The following ATP10B variants were observed in gnomAD, a reference collection of about 807,000 sequenced individuals.
ATP10B encodes ATPase phospholipid transporting 10B (putative), also known as phospholipid-transporting ATPase VB.
In ATP10B, 122 loss-of-function variants were observed where a neutral mutation model predicts 141.2. The observed-to-expected ratio is 0.86, with a 90% CI of 0.75 to 1.00. The LOEUF (loss-of-function observed/expected upper bound fraction) is 1.00. Ranked by LOEUF, ATP10B falls within the 50% of genes least tolerant of loss-of-function variation. The pLI, the probability that ATP10B is intolerant of heterozygous loss-of-function variation, is 0.00. For synonymous variants in ATP10B, 685 were observed against 692.0 expected (o/e 0.99, Z 0.16); for missense variants, 1,876 against 1,825.3 (o/e 1.03, Z -0.51).
chr5:160,643,483 A>C (rs1200879084), intron 9 of ATP10B, among the ~76,000 whole-genome samples: 1 of 152,182 alleles, frequency 6.6e-6, no homozygotes, highest in Non-Finnish European at 1.5e-5. Flanking sequence ...AGTACTAGAG[A>C]TACAGCAGCT....
At chr5:160,597,375 A>C (rs1271721361) in intron 22 of ATP10B, among the ~76,000 whole-genome samples, 1 of 152,144 alleles carries the variant, frequency 6.6e-6, no homozygotes, top group Non-Finnish European at 1.5e-5. Context: ...CCTTCCTTAC[A>C]CCTTATACAA....
chr5:160,819,982 G>A (rs943766726), intron 1 of ATP10B, among the ~76,000 whole-genome samples: 7 of 151,552 alleles, frequency 4.6e-5, no homozygotes, highest in African/African-American at 1.5e-4. Flanking sequence ...ACAAAAGCAG[G>A]AGCAAACCAA....
At chr5:160,878,033 T>C in the ATP10B span, among the ~76,000 whole-genome samples, 1 of 152,006 alleles carries the variant, frequency 6.6e-6, no homozygotes, top group Non-Finnish European at 1.5e-5. Flanking sequence ...AGAAAACTAC[T>C]TTAAAGTTCA....
chr5:160,700,321 G>T (rs1764600835), intron 3 of ATP10B, among the ~76,000 whole-genome samples: 5 of 152,124 alleles, frequency 3.3e-5, no homozygotes, highest in Admixed American at 2.6e-4. Context: ...ATTCTCCCTG[G>T]GCCCTAGTTT....
At chr5:160,730,106 G>A (rs114329411) in intron 2 of ATP10B, among the ~76,000 whole-genome samples, 275 of 152,182 alleles carry the variant, frequency 1.8e-3, no homozygotes, top group African/African-American at 6.3e-3. Flanking sequence ...ACAGATTTAA[G>A]CTAGCTGTTA....
At chr5:160,840,198 A>G (rs1017115952) in intron 1 of ATP10B, among the ~76,000 whole-genome samples, 1 of 152,038 alleles carries the variant, frequency 6.6e-6, no homozygotes, top group Admixed American at 6.6e-5. Flanking sequence ...TTATAGATTC[A>G]CCCAAGAAAA....
chr5:160,694,373 T>C (rs1178664066), intron 3 of ATP10B, among the ~76,000 whole-genome samples: 2 of 152,188 alleles, frequency 1.3e-5, no homozygotes, highest in African/African-American at 2.4e-5. Flanking sequence ...CACCTCCCAC[T>C]AAAAATAACT....
At chr5:160,586,071 A>T (rs1008172136) in intron 24 of ATP10B, among the ~76,000 whole-genome samples, 1 of 152,082 alleles carries the variant, frequency 6.6e-6, no homozygotes, top group Admixed American at 6.5e-5. Context: ...TCAACCTGTC[A>T]TCTAGGTTTT....
At chr5:160,569,399 C>T in intron 25 of ATP10B, 97 bp downstream of exon 25, 1 of 1,197,850 alleles carries the variant, frequency 8.3e-7, no homozygotes, top group Non-Finnish European at 1.2e-6. Flanking sequence ...TCAAGGATGC[C>T]AGCAGAAGTC....
intron 6 of ATP10B, 121 bp downstream of exon 6, chr5:160,685,958 G>A: frequency 5.9e-6 from 5 of 845,610 alleles, no homozygotes; most frequent in Non-Finnish European, 8.5e-6. Flanking sequence ...CCCCCCTTGA[G>A]AATCAGTGAA....
At chr5:160,906,730 C>T in the ATP10B span, among the ~76,000 whole-genome samples, 456 of 152,318 alleles carry the variant, frequency 3.0e-3, 4 homozygotes, top group African/African-American at 0.01. Flanking sequence ...AGAGATCTGT[C>T]GGTACCCAGT....
chr5:160,891,898 T>C, the ATP10B span, among the ~76,000 whole-genome samples: 1 of 152,218 alleles, frequency 6.6e-6, no homozygotes, highest in African/African-American at 2.4e-5. Flanking sequence ...CCCATCTATA[T>C]GAGTGTAGGA....
chr5:160,629,974 T>C (rs1317741155), intron 13 of ATP10B, among the ~76,000 whole-genome samples: 1 of 152,240 alleles, frequency 6.6e-6, no homozygotes, highest in East Asian at 1.9e-4. Context: ...AGGTTTAACA[T>C]GTTGCTTAAG....
At chr5:160,624,451 T>C (rs1758508615) in intron 13 of ATP10B, among the ~76,000 whole-genome samples, 1 of 152,092 alleles carries the variant, frequency 6.6e-6, no homozygotes, top group African/African-American at 2.4e-5. Flanking sequence ...GAAGACAACT[T>C]CCAGAAAAAA....
chr5:160,727,277 A>G (rs1766429466), intron 2 of ATP10B, among the ~76,000 whole-genome samples: 1 of 152,238 alleles, frequency 6.6e-6, no homozygotes, highest in Admixed American at 6.5e-5. Context: ...CACCTCTATC[A>G]TCATTTTCCA....
the ATP10B span, among the ~76,000 whole-genome samples, chr5:160,873,531 C>G: frequency 6.6e-6 from 1 of 152,186 alleles, no homozygotes; most frequent in African/African-American, 2.4e-5. Flanking sequence ...TCTCGAGGAG[C>G]CAAGTTGGCC....
chr5:160,652,534 C>T (rs2127693453), intron 7 of ATP10B, among the ~76,000 whole-genome samples: 2 of 146,172 alleles, frequency 1.4e-5, no homozygotes, highest in Middle Eastern at 7.0e-3. Context: ...TCACAGCTCA[C>T]TGTAGCCTCG....
intron 1 of ATP10B, among the ~76,000 whole-genome samples, chr5:160,838,658 T>C (rs1247727618): frequency 6.6e-6 from 1 of 152,124 alleles, no homozygotes. Flanking sequence ...GAAAAAAAAG[T>C]CAACCATTAT....
chr5:160,655,910 T>C (rs1761461996), intron 7 of ATP10B, among the ~76,000 whole-genome samples: 1 of 152,088 alleles, frequency 6.6e-6, no homozygotes, highest in Non-Finnish European at 1.5e-5. Context: ...CTCAGATGTG[T>C]CAATAGCGGT....
Sources: allele counts gnomAD v4.1 joint callset (sites outside exome capture counted in the v4.1 genomes callset), GRCh38; gene constraint gnomAD v4.1.1; transcripts MANE v1.5; gene names NCBI Gene and HGNC (gene_info 2026-07-23, HGNC 2026-07-21).